Variants in BAZ1B observed in about 807,000 individuals in gnomAD.
BAZ1B encodes the protein bromodomain adjacent to zinc finger domain 1B.
Under a neutral mutation model 153.8 loss-of-function variants are expected in BAZ1B, and 22 were observed. The ratio of observed to expected loss-of-function variants is 0.14; its 90% CI spans 0.10 to 0.20. The LOEUF (loss-of-function observed/expected upper bound fraction) is 0.20, where lower values mean the gene tolerates loss of function less well. Among genes scored for constraint, BAZ1B ranks in the 10% least tolerant of loss-of-function variants. The pLI, the probability that BAZ1B is intolerant of heterozygous loss-of-function variation, is 1.00. For missense variants in BAZ1B, 1,325 were observed against 1,799.3 expected (o/e 0.74, Z 4.77); for synonymous variants, 676 against 633.4 (o/e 1.07, Z -1.01).
chr7:73,451,713 T>C (rs1307977040), intron 13 of BAZ1B, among the ~76,000 whole-genome samples: 1 of 152,256 alleles, frequency 6.6e-6, no homozygotes, highest in South Asian at 2.1e-4. Flanking sequence ...GACTCTGTTG[T>C]AGATATTTCA....
rs781779989 is a variant in BAZ1B at position 73,442,296 on chromosome 7, C to A, written c.4352G>T (p.Arg1451Leu). The change falls in exon 19 of 20, where the codon CGC becomes CTC. Residue 1451 changes from arginine to leucine, a missense_variant. Coordinates refer to ENST00000339594, the MANE Select transcript of BAZ1B (RefSeq NM_032408.4). ...ATCAGGAAACTTCTTGCGCTTCCTG[C>A]GGACATATGGGTGGCCAGGAAGGTG... ...HKHLPGHPYV[R>L]RKRKKFPDRL... is the part of the protein sequence containing the mutation. 1.2e-6 allele frequency: 2 copies of A among 1,614,152 alleles called. No homozygotes were observed. The highest frequency in any genetic ancestry group is 1.7e-6 in the Non-Finnish European group (2 of 1,180,042).
intron 1 of BAZ1B, 127 bp downstream of exon 1, chr7:73,521,700 C>T (rs1228112049): frequency 2.0e-5 from 14 of 701,372 alleles, no homozygotes; most frequent in Non-Finnish European, 2.6e-5. Context: ...TCCAGGCCCG[C>T]GAGCGGCCGG....
intron 6 of BAZ1B, among the ~76,000 whole-genome samples, chr7:73,480,081 C>T (rs1789144405): frequency 6.6e-6 from 1 of 151,758 alleles, no homozygotes; most frequent in African/African-American, 2.4e-5. Flanking sequence ...AGGCGTGAAC[C>T]CGCAAGGTGG....
intron 1 of BAZ1B, 91 bp downstream of exon 1, chr7:73,521,736 G>C (rs186853665): frequency 9.0e-7 from 1 of 1,117,190 alleles, no homozygotes; most frequent in Non-Finnish European, 1.2e-6. Flanking sequence ...GCCCCGGGCC[G>C]GGGATGCGCG....
rs571626237 is a variant in BAZ1B at position 73,495,496 on chromosome 7, GGGAA to G, written c.572-2579_572-2576del. The stretch of plus-strand genomic sequence containing the variant: ...TATGGAAAAAGTCAAAGGAATGGCA[GGGAA>G]GGAAGGAAGTAAAGAAACCGAATAG... On this transcript the variant is annotated intron_variant, in intron 4 of 19. Transcript: ENST00000339594. Among the ~76,000 whole-genome samples, 5 of 152,292 alleles carry G rather than the reference GGGAA, an allele frequency of 3.3e-5. No homozygotes were observed. The South Asian group carries it at 1.0e-3, about 32-fold the overall frequency.
intron 17 of BAZ1B, among the ~76,000 whole-genome samples, 174 bp downstream of exon 17, chr7:73,443,810 T>C (rs1787720116): frequency 6.6e-6 from 1 of 152,224 alleles, no homozygotes; most frequent in Non-Finnish European, 1.5e-5. Flanking sequence ...CCTGGAGGCC[T>C]TGCTGCTTCT....
Position 73,440,857 on chromosome 7 carries a change from TAAA to T in BAZ1B, c.*849_*851del, listed in dbSNP as rs1421054786. 2 of 152,486 alleles carry T rather than the reference TAAA, an allele frequency of 1.3e-5. No homozygotes were observed. The highest frequency in any genetic ancestry group is 4.8e-5 in the African/African-American group (2 of 41,432). The allele number at this position is 152,486 out of a possible 1,614,324, so 9.4% of individuals were successfully genotyped here. On this transcript the variant is annotated 3_prime_UTR_variant, in exon 20 of 20. Coordinates refer to ENST00000339594, the MANE Select transcript of BAZ1B (RefSeq NM_032408.4). ...TCAAAATTTCCAAATTCAAAGGTGA[TAAA>T]AAAGAAAAACCCTGTTTTGTACTTT...
Position 73,521,979 on chromosome 7 carries a change from C to A in BAZ1B, c.-46G>T. On this transcript the variant is annotated 5_prime_UTR_variant, in exon 1 of 20. Coordinates refer to ENST00000339594, the MANE Select transcript of BAZ1B (RefSeq NM_032408.4). The stretch of plus-strand genomic sequence containing the variant: ...CTGGCGGCTGCTGGGGCCGGCCCCG[C>A]GGCGCAGCACTAGGCCCCGCGGCCC... 7.7e-7 allele frequency: 1 copy of A among 1,302,252 alleles called. No homozygotes were observed. Among genetic ancestry groups the A allele is most frequent in the Non-Finnish European group, 9.8e-7 (1 of 1,016,042 alleles). The allele number at this position is 1,302,252 out of a possible 1,614,324, so 80.7% of individuals were successfully genotyped here.
At position 73,442,249 on chromosome 7, in the gene BAZ1B, C is replaced by T; in HGVS notation, c.4399G>A (p.Asp1467Asn). ...FPDRLAEDEG[D>N]SEPEAVGQSR... ...TGTCCAACGGCCTCTGGCTCACTGT[C>T]CCCTTCATCTTCAGCAAGCCTATCA... The change falls in exon 19 of 20, where the codon GAC becomes AAC. Residue 1467 changes from aspartate (D) to asparagine (N), a missense_variant. By Grantham distance (23) the Asp-to-Asn change is conservative. This residue lies in a region of BAZ1B where 271 missense variants were observed against 337.2 expected (regional missense o/e 0.80). Transcript: ENST00000339594. 1 of 1,611,238 alleles carries T rather than the reference C, an allele frequency of 6.2e-7. No homozygotes were observed. The highest frequency in any genetic ancestry group is 8.5e-7 in the Non-Finnish European group (1 of 1,178,840).
At chr7:73,483,763 T>C (rs1448678791) in intron 6 of BAZ1B, among the ~76,000 whole-genome samples, 3 of 151,914 alleles carry the variant, frequency 2.0e-5, no homozygotes, top group African/African-American at 4.8e-5. Flanking sequence ...TGCCTCCATC[T>C]CCAAAGTAGC....
intron 13 of BAZ1B, among the ~76,000 whole-genome samples, chr7:73,453,019 AAG>A (rs1472338255): frequency 2.0e-5 from 3 of 152,238 alleles, no homozygotes; most frequent in Admixed American, 6.5e-5. Flanking sequence ...CTATTACAAA[AAG>A]AGATTTGAGA....
intron 7 of BAZ1B, among the ~76,000 whole-genome samples, chr7:73,472,954 T>TA (rs1788867096): frequency 6.6e-6 from 1 of 151,276 alleles, no homozygotes; most frequent in African/African-American, 2.4e-5. Flanking sequence ...TTTTTTTTTT[T>TA]TAAAAAAGAC....
At position 73,490,778 on chromosome 7, in the gene BAZ1B, T is replaced by A. The variant is rs896879442; in HGVS notation, c.694-1387A>T. On this transcript the variant is annotated intron_variant, in intron 5 of 19. Coordinates refer to ENST00000339594, the MANE Select transcript of BAZ1B (RefSeq NM_032408.4). ...GTGCCACCACGCCCGGCTAATTTTG[T>A]ATTTTTAGTAGAGATGGGGTTTCTC... Among the ~76,000 whole-genome samples, 5 of 151,674 alleles carry A rather than the reference T, an allele frequency of 3.3e-5. No homozygotes were observed. The East Asian group carries it at 9.9e-4, about 30-fold the overall frequency.
chr7:73,465,515 C>A lies in BAZ1B; in HGVS notation c.2995G>T (p.Glu999Ter), dbSNP rs1788550821. 12 of 1,609,570 alleles carry A rather than the reference C, an allele frequency of 7.5e-6. No individual in the cohort carries two copies. The highest frequency in any genetic ancestry group is 1.0e-5 in the Non-Finnish European group (12 of 1,178,142). Residue 999 changes from glutamate (E) to a stop codon, truncating the protein, a stop_gained, in exon 11 of 20, where the codon GAG becomes TAG. Transcript: ENST00000339594. LOFTEE classifies it high-confidence loss of function. ...AGACAGTTTAGCAACTCATCCAGCT[C>A]CTTTTGACTATCACATAAAAACCTG... Reference protein sequence around the residue: ...NLWFLCDSQKELDELLNCLHP... With the variant: ...NLWFLCDSQK
intron 13 of BAZ1B, among the ~76,000 whole-genome samples, chr7:73,454,684 C>A (rs1583890544): frequency 6.6e-6 from 1 of 152,184 alleles, no homozygotes; most frequent in Non-Finnish European, 1.5e-5. Context: ...TCCACTCCTA[C>A]ACATTCTTCA....
intron 9 of BAZ1B, 52 bp downstream of exon 9, chr7:73,469,465 T>C: frequency 1.9e-6 from 3 of 1,601,512 alleles, no homozygotes; most frequent in Non-Finnish European, 2.6e-6. Flanking sequence ...TCCTTAATGT[T>C]GAGCCCACTT....
intron 6 of BAZ1B, among the ~76,000 whole-genome samples, chr7:73,479,472 C>T (rs1320517285): frequency 6.8e-6 from 1 of 148,130 alleles, no homozygotes; most frequent in Non-Finnish European, 1.5e-5. Context: ...CACACCACTG[C>T]ACTCCAGCCT....
chr7:73,473,575 A>C (rs1310834027), intron 7 of BAZ1B, among the ~76,000 whole-genome samples: 1 of 152,212 alleles, frequency 6.6e-6, no homozygotes, highest in Non-Finnish European at 1.5e-5. Context: ...TAAAATGGAA[A>C]GTACACATTA....
chr7:73,516,144 T>A (rs1790790545), intron 1 of BAZ1B, among the ~76,000 whole-genome samples: 2 of 152,046 alleles, frequency 1.3e-5, no homozygotes, highest in South Asian at 2.1e-4. Context: ...GAGACTCCAC[T>A]CAAAAGCAAA....
Sources: allele counts gnomAD v4.1 joint callset (sites outside exome capture counted in the v4.1 genomes callset), GRCh38; gene constraint gnomAD v4.1.1; regional missense constraint gnomAD v4.1.1; transcripts MANE v1.5; gene names NCBI Gene and HGNC (gene_info 2026-07-23, HGNC 2026-07-21).